Variants in GPI observed in about 807,000 individuals in gnomAD.
GPI encodes D-hexose-6-phosphate anomerase.
In GPI, 56 loss-of-function variants were observed where a neutral mutation model predicts 75.8. That is an observed-to-expected ratio of 0.74 (90% CI 0.60 to 0.92). The LOEUF is 0.92. Ranked by LOEUF, GPI falls within the 40% of genes least tolerant of loss-of-function variation. GPI has a pLI of 0.00. For synonymous variants in GPI, 288 were observed against 285.4 expected, an observed-to-expected ratio of 1.01 and a Z score of -0.09; for missense variants, 638 against 741.0, an observed-to-expected ratio of 0.86 and a Z score of 1.61.
chr19:34,386,797 G>A (rs534091853), intron 9 of GPI, among the ~76,000 whole-genome samples: 5 of 152,284 alleles, frequency 3.3e-5, no homozygotes, highest in East Asian at 3.9e-4. Context: ...TCATTGGTGC[G>A]TGGTTCTGGC....
Position 34,399,805 on chromosome 19 carries a change from G to C in GPI, c.1541+20G>C, listed in dbSNP as rs1214615657. 6.2e-7 allele frequency: 1 copy of C among 1,613,634 alleles called. No individual in the cohort carries two copies. Among genetic ancestry groups the C allele is most frequent in the Non-Finnish European group, 8.5e-7 (1 of 1,179,576 alleles). On this transcript the variant is annotated intron_variant, in intron 17 of 17. Transcript: ENST00000356487. ...GTGGGGGTGAGTTGCTCACTTAGGG[G>C]AGGGCCGGGAATACCTTTGTGTCGG...
intron 4 of GPI, among the ~76,000 whole-genome samples, chr19:34,374,417 A>G (rs991090243): frequency 6.6e-6 from 1 of 152,190 alleles, no homozygotes; most frequent in Non-Finnish European, 1.5e-5. Flanking sequence ...GGGGACTATC[A>G]TAGTCCCGCT....
intron 4 of GPI, among the ~76,000 whole-genome samples, chr19:34,370,086 T>C (rs2074428680): frequency 1.3e-5 from 2 of 152,218 alleles, no homozygotes; most frequent in African/African-American, 4.8e-5. Context: ...CCTGGAAGTA[T>C]GTAAGCAGTG....
upstream of GPI, among the ~76,000 whole-genome samples, chr19:34,363,161 C>T (rs972811272): frequency 2.0e-5 from 3 of 152,156 alleles, no homozygotes; most frequent in Non-Finnish European, 4.4e-5. Context: ...AAAAAATTAG[C>T]TGGGCATGGT....
At chr19:34,371,417 A>ACT (rs1408804058) in intron 4 of GPI, among the ~76,000 whole-genome samples, 18 of 152,288 alleles carry the variant, frequency 1.2e-4, no homozygotes, top group African/African-American at 4.1e-4. Flanking sequence ...GGGCACCAAT[A>ACT]GGGATTAGGG....
At position 34,365,311 on chromosome 19, in the gene GPI, A is replaced by T; in HGVS notation, c.45A>T (p.Gln15His). 6.3e-7 allele frequency: 1 copy of T among 1,586,940 alleles called. No individual in the cohort carries two copies. Among genetic ancestry groups the T allele is most frequent in the Non-Finnish European group, 8.6e-7 (1 of 1,168,576 alleles). Residue 15 changes from glutamine (Q) to histidine (H), a missense_variant, in exon 1 of 18, where the codon CAA becomes CAT. Gln to His is a conservative substitution (Grantham distance 24, BLOSUM62 0). Coordinates refer to ENST00000356487, the MANE Select transcript of GPI (RefSeq NM_000175.5). ...ACCCCCAGTTCCAGAAGCTGCAGCA[A>T]TGGTACCGCGAGCACCGCTCCGAGC... ...TRDPQFQKLQ[Q>H]WYREHRSELN... is the part of the protein sequence containing the mutation.
intron 4 of GPI, among the ~76,000 whole-genome samples, chr19:34,373,185 GAGACC>G (rs768467738): frequency 6.6e-6 from 1 of 151,752 alleles, no homozygotes; most frequent in Non-Finnish European, 1.5e-5. Flanking sequence ...TCAGGAGTTT[GAGACC>G]AGCCTGGCCT....
rs139035514 is a variant in GPI at position 34,399,954 on chromosome 19, G to C, written c.1595G>C (p.Ser532Thr). 2.5e-6 allele frequency: 4 copies of C among 1,613,832 alleles called. No individual in the cohort carries two copies. The African/African-American group carries it at 5.3e-5, about 22-fold the overall frequency. Residue 532 changes from serine (S) to threonine (T), a missense_variant, in exon 18 of 18, where the codon AGT becomes ACT. Transcript: ENST00000356487. ...AAAATAGAGCCTGAGCTTGATGGCA[G>C]TGCTCAAGTGACCTCTCACGACGCT... ...AKKIEPELDG[S>T]AQVTSHDAST...
chr19:34,387,155 C>A (rs1412155192), intron 9 of GPI, among the ~76,000 whole-genome samples: 2 of 152,176 alleles, frequency 1.3e-5, no homozygotes, highest in African/African-American at 4.8e-5. Flanking sequence ...GAAGCCTGGT[C>A]TATCAGCTGA....
At chr19:34,399,077 G>T in intron 14 of GPI, 130 bp from the exon 15 acceptor site, 1 of 741,922 alleles carries the variant, frequency 1.3e-6, no homozygotes. Flanking sequence ...TGTCCCCCTC[G>T]CTCCAACTGA....
intron 4 of GPI, 25 bp downstream of exon 4, chr19:34,368,727 A>G: frequency 1.9e-6 from 3 of 1,613,964 alleles, no homozygotes; most frequent in South Asian, 1.1e-5. Flanking sequence ...GGCCGGACTC[A>G]CCCTTGGCCG....
chr19:34,399,534 C>A (rs757919286), intron 15 of GPI, 22 bp from the exon 16 acceptor site: 2 of 1,610,270 alleles, frequency 1.2e-6, no homozygotes, highest in Non-Finnish European at 1.7e-6. Context: ...CTCTTGGAGA[C>A]ATTCCTTGGT....
chr19:34,396,459 T>C, intron 13 of GPI, 29 bp downstream of exon 13: 2 of 1,613,784 alleles, frequency 1.2e-6, no homozygotes, highest in Non-Finnish European at 1.7e-6. Context: ...GGAAGGGTGA[T>C]GTTGGGGGAG....
At chr19:34,374,771 C>T (rs1156622153) in intron 4 of GPI, among the ~76,000 whole-genome samples, 1 of 150,766 alleles carries the variant, frequency 6.6e-6, no homozygotes, top group Non-Finnish European at 1.5e-5. Context: ...ACACTGTCGC[C>T]CAGGCTGGAG....
chr19:34,364,429 T>A (rs1169656158), upstream of GPI, among the ~76,000 whole-genome samples: 1 of 151,202 alleles, frequency 6.6e-6, no homozygotes, highest in Non-Finnish European at 1.5e-5. Context: ...CCACCCAGGC[T>A]GGAGTACAGT....
intron 4 of GPI, among the ~76,000 whole-genome samples, chr19:34,371,650 A>G (rs1389425185): frequency 6.6e-6 from 1 of 151,644 alleles, no homozygotes; most frequent in African/African-American, 2.4e-5. Context: ...GGAGTTCAAG[A>G]CAAGCCTGGC....
At chr19:34,377,336 A>AAAAAAAAAAAAAAATATATAT (rs2074558981) in intron 4 of GPI, among the ~76,000 whole-genome samples, 167 bp from the exon 5 acceptor site, 1 of 49,328 alleles carries the variant, frequency 2.0e-5, no homozygotes, top group African/African-American at 1.2e-4. Flanking sequence ...AAAAAAAAAA[A>AAAAAAAAAAAAAAATATATAT]ATATATATAT....
rs1781686279 is a variant in GPI, at chr19:34,392,740, G to T, written c.805-508G>T. The T allele has an allele frequency of 2.2e-5, 3 of 135,832 alleles. No individual in the cohort carries two copies. The South Asian group carries it at 2.9e-4, about 13-fold the overall frequency. 8.4% of individuals were successfully genotyped at this position (135,832 alleles called of 1,614,324 possible). The stretch of plus-strand genomic sequence containing the variant: ...GGCCTTGGGTCTGCCAGTGTCTGGG[G>T]AGGTGAGGCTGGGCATGGGTGTGAG... On this transcript the variant is annotated intron_variant, in intron 9 of 17. Coordinates refer to ENST00000356487, the MANE Select transcript of GPI (RefSeq NM_000175.5).
chr19:34,369,365 C>T (rs1055657323), intron 4 of GPI, among the ~76,000 whole-genome samples: 20 of 152,056 alleles, frequency 1.3e-4, no homozygotes, highest in Non-Finnish European at 2.9e-4. Flanking sequence ...TCTCTTTTGT[C>T]ATACGCCCTT....
Sources: gnomAD v4.1 joint callset for allele counts (sites outside exome capture counted in the v4.1 genomes callset) on GRCh38, gnomAD v4.1.1 for gene constraint, MANE v1.5 for transcripts, NCBI Gene and HGNC (gene_info 2026-07-23, HGNC 2026-07-21) for gene names.